Variants in C22orf15 observed in about 807,000 individuals in gnomAD.
C22orf15 encodes uncharacterized protein C22orf15.
C22orf15 carries 21 observed loss-of-function variants against 20.3 expected under a neutral mutation model. The observed-to-expected ratio is 1.04, with a 90% confidence interval of 0.74 to 1.49. C22orf15 has a LOEUF of 1.49. C22orf15 is among the 40% of genes most tolerant of loss of function. The probability of loss-of-function intolerance (pLI) is 0.00; values close to 1 mark genes in which losing one functional copy is unlikely to be tolerated. For missense variants in C22orf15, 170 were observed against 191.1 expected (o/e 0.89, Z 0.65); for synonymous variants, 78 against 75.4 (o/e 1.03, Z -0.18).
In C22orf15 at chr22:23,765,134, G is replaced by A. The variant is rs1926554504; in HGVS notation, c.435+232G>A. On this transcript the variant is annotated intron_variant, in intron 5 of 5. Coordinates refer to ENST00000402217, the MANE Select transcript of C22orf15 (RefSeq NM_182520.3). ...CGGGAGTGCCAGCGCACTAAGGGCC[G>A]GAATGTCCTCAGGCTTCACAGATGT... is the stretch of plus-strand genomic sequence containing the variant. 22 of 1,434,850 alleles carry A rather than the reference G, an allele frequency of 1.5e-5. No homozygotes were observed. The Admixed American group carries it at 1.7e-4, about 11-fold the overall frequency. The allele number at this position is 1,434,850 out of a possible 1,614,324, so 88.9% of individuals were successfully genotyped here.
Position 23,765,837 on chromosome 22 carries a change from G to A in C22orf15, c.*105G>A, listed in dbSNP as rs1926721714. ...TCGAGAGAGGCACACAACAGGCTGTGGTCTAAAATAAACTTTTAATTGCAC... is the reference window on the plus strand; with the variant it reads ...TCGAGAGAGGCACACAACAGGCTGTAGTCTAAAATAAACTTTTAATTGCAC... On this transcript the variant is annotated 3_prime_UTR_variant, in exon 6 of 6. Coordinates refer to ENST00000402217, the MANE Select transcript of C22orf15 (RefSeq NM_182520.3). 2 of 1,529,256 alleles carry A rather than the reference G, an allele frequency of 1.3e-6. No homozygotes were observed. Among genetic ancestry groups the A allele is most frequent in the African/African-American group, 1.4e-5 (1 of 72,690 alleles). The allele number at this position is 1,529,256 out of a possible 1,614,324, so 94.7% of individuals were successfully genotyped here. A position where few individuals can be genotyped will look rare whatever the true frequency, so the allele number is the denominator to read the frequency against.
At position 23,764,677 on chromosome 22, in the gene C22orf15, T is replaced by A; in HGVS notation, c.289T>A (p.Leu97Met). Residue 97 changes from leucine (L) to methionine (M), a missense_variant, in exon 4 of 6, where the codon TTG becomes ATG. Leu to Met is a conservative substitution (Grantham distance 15). Coordinates refer to ENST00000402217, the MANE Select transcript of C22orf15 (RefSeq NM_182520.3). The part of the protein sequence containing the change: ...DMASTRYESL[L>M]ENLDDHYPEL... Reference sequence around the variant, plus strand: ...GGCCTCCACCCGCTATGAGTCCCTATTGGAGAACCTGGATGACCATTACCC... The same window carrying A: ...GGCCTCCACCCGCTATGAGTCCCTAATGGAGAACCTGGATGACCATTACCC... 1.9e-6 allele frequency: 3 copies of A among 1,614,178 alleles called. No homozygotes were observed. Among genetic ancestry groups the A allele is most frequent in the South Asian group, 1.1e-5 (1 of 91,088 alleles).
chr22:23,763,047 T>G lies in C22orf15; in HGVS notation c.-260T>G. ...GCTTGGAAGCTTAGGGGAGCTGCTG[T>G]GGCCCAGGGCTCAGTGGGGAGGAAG... is the stretch of plus-strand genomic sequence containing the variant. On this transcript the variant is annotated 5_prime_UTR_variant, in exon 1 of 6. Coordinates refer to ENST00000402217, the MANE Select transcript of C22orf15 (RefSeq NM_182520.3). 1.9e-6 allele frequency: 1 copy of G among 516,254 alleles called. No homozygotes were observed. The highest frequency in any genetic ancestry group is 3.4e-6 in the Non-Finnish European group (1 of 297,484). 32.0% of individuals were successfully genotyped at this position (516,254 alleles called of 1,614,324 possible).
intron 5 of C22orf15, chr22:23,765,440 A>G (rs896254810): frequency 6.4e-7 from 1 of 1,551,022 alleles, no homozygotes; most frequent in Admixed American, 2.0e-5. Context: ...GAGAAGTTGC[A>G]TCAGCAAGAG....
chr22:23,765,289 G>T (rs531790232), intron 5 of C22orf15: 4 of 1,527,974 alleles, frequency 2.6e-6, no homozygotes, highest in Non-Finnish European at 2.6e-6. Context: ...ATTCTGGCAG[G>T]CTTGGGGACC....
chr22:23,764,163 G>A lies in C22orf15; in HGVS notation c.102G>A (p.Leu34=). ...LTAHLRQKAG[L]PPDATIALLA... ...CCCACCTGAGGCAGAAAGCAGGGTT[G>A]CCCCCAGATGGTGAGGAGACAGGGA... is the stretch of plus-strand genomic sequence containing the variant. Residue 34 remains leucine, a synonymous_variant, in exon 2 of 6, where the codon TTG becomes TTA. Coordinates refer to ENST00000402217, the MANE Select transcript of C22orf15 (RefSeq NM_182520.3). The A allele has an allele frequency of 6.4e-7, 1 of 1,551,714 alleles. No homozygotes were observed. The highest frequency in any genetic ancestry group is 8.7e-7 in the Non-Finnish European group (1 of 1,146,996).
chr22:23,765,637 T>A (rs967722863), intron 5 of C22orf15, 84 bp from the exon 6 acceptor site: 42 of 1,512,646 alleles, frequency 2.8e-5, no homozygotes, highest in Non-Finnish European at 3.6e-5. Flanking sequence ...CTAATGCCTC[T>A]CCACCTCACT....
intron 1 of C22orf15, among the ~76,000 whole-genome samples, chr22:23,763,567 A>G (rs1204158702): frequency 5.2e-5 from 8 of 152,396 alleles, no homozygotes; most frequent in African/African-American, 2.4e-5. Flanking sequence ...CCTCTCGGCC[A>G]GAGACCGCCG....
At chr22:23,765,574 T>C in intron 5 of C22orf15, 147 bp from the exon 6 acceptor site, 1 of 1,524,886 alleles carries the variant, frequency 6.6e-7, no homozygotes, top group Non-Finnish European at 8.8e-7. Flanking sequence ...GGGGAGACCA[T>C]GGGTTCATCC....
Position 23,764,640 on chromosome 22 carries a change from G to T in C22orf15, c.252G>T (p.Lys84Asn). 6.2e-7 allele frequency: 1 copy of T among 1,614,104 alleles called. No homozygotes were observed. The highest frequency in any genetic ancestry group is 8.5e-7 in the Non-Finnish European group (1 of 1,179,942). Residue 84 changes from lysine to asparagine, a missense_variant and splice_region_variant, in exon 4 of 6, where the codon AAG becomes AAT. Lys to Asn is a moderately conservative substitution (Grantham distance 94). Coordinates refer to ENST00000402217, the MANE Select transcript of C22orf15 (RefSeq NM_182520.3). ...RAIYVLVRII[K>N]GEDMASTRYE... is the part of the protein sequence containing the mutation. ...TCATCGTCTCTCCACATGTCACAGA[G>T]GGAGAGGACATGGCCTCCACCCGCT...
rs554034284 is a variant in C22orf15 at position 23,764,683 on chromosome 22, A to G, written c.295A>G (p.Asn99Asp). The change falls in exon 4 of 6, where the codon AAC becomes GAC. Residue 99 changes from asparagine (N) to aspartate (D), a missense_variant. Coordinates refer to ENST00000402217, the MANE Select transcript of C22orf15 (RefSeq NM_182520.3). The part of the protein sequence containing the change: ...ASTRYESLLE[N>D]LDDHYPELAE... ...CACCCGCTATGAGTCCCTATTGGAG[A>G]ACCTGGATGACCATTACCCAGAGCT... 12 of 1,614,164 alleles carry G rather than the reference A, an allele frequency of 7.4e-6. No homozygotes were observed. In the South Asian group the frequency reaches 1.3e-4, roughly 18 times the overall value.
chr22:23,764,514 C>G, intron 3 of C22orf15, 117 bp downstream of exon 3: 1 of 1,564,184 alleles, frequency 6.4e-7, no homozygotes, highest in Non-Finnish European at 8.8e-7. Flanking sequence ...GGGGACCTAG[C>G]CCCAATCCAT....
intron 1 of C22orf15, among the ~76,000 whole-genome samples, chr22:23,763,794 G>A (rs368028191): frequency 6.6e-6 from 1 of 152,356 alleles, no homozygotes; most frequent in East Asian, 1.9e-4. Context: ...CGTGGGGGCG[G>A]GTCCCGGGAG....
intron 5 of C22orf15, chr22:23,765,148 C>T: frequency 7.0e-7 from 1 of 1,435,662 alleles, no homozygotes; most frequent in South Asian, 1.5e-5. Context: ...TGTCCTCAGG[C>T]TTCACAGATG....
At position 23,764,097 on chromosome 22, in the gene C22orf15, G is replaced by A. The variant is rs538706829; in HGVS notation, c.36G>A (p.Ser12=). The A allele has an allele frequency of 2.4e-5, 37 of 1,550,742 alleles. No homozygotes were observed. Among genetic ancestry groups the A allele is most frequent in the South Asian group, 9.5e-5 (8 of 84,008 alleles). The change falls in exon 2 of 6, where the codon TCG becomes TCA. Residue 12 remains serine (S), a synonymous_variant. Coordinates refer to ENST00000402217, the MANE Select transcript of C22orf15 (RefSeq NM_182520.3). ...FIKVMFGAGC[S]VLVNTSCRLV... The stretch of plus-strand genomic sequence containing the variant: ...TGCCCCTCTCCACAGCTGGCTGCTC[G>A]GTGCTGGTGAACACCTCTTGCAGGC...
At position 23,764,077 on chromosome 22, in the gene C22orf15, C is replaced by G. The variant is rs1445017860; in HGVS notation, c.26-10C>G. ...AGATCTCACAGGCTCACCTTTGCCC[C>G]TCTCCACAGCTGGCTGCTCGGTGCT... On this transcript the variant is annotated splice_polypyrimidine_tract_variant and intron_variant, in intron 1 of 5. Transcript: ENST00000402217. 5 of 1,550,200 alleles carry G rather than the reference C, an allele frequency of 3.2e-6. No homozygotes were observed. The highest frequency in any genetic ancestry group is 4.4e-6 in the Non-Finnish European group (5 of 1,146,902).
At position 23,764,792 on chromosome 22, in the gene C22orf15, G is replaced by A. The variant is rs771550546; in HGVS notation, c.326-1G>A. On this transcript the variant is annotated splice_acceptor_variant, in intron 4 of 5. Coordinates refer to ENST00000402217, the MANE Select transcript of C22orf15 (RefSeq NM_182520.3). LOFTEE classifies it high-confidence loss of function. The stretch of plus-strand genomic sequence containing the variant: ...CCAACAGGACTTCCTGGGCCTTCCA[G>A]AGGAACTGCGCAGGCTGTCAGGCCT... 4.3e-6 allele frequency: 7 copies of A among 1,613,990 alleles called. No homozygotes were observed. In the African/African-American group the frequency reaches 5.3e-5, roughly 12 times the overall value.
chr22:23,763,765 G>T (rs1926114748), intron 1 of C22orf15, among the ~76,000 whole-genome samples: 1 of 152,220 alleles, frequency 6.6e-6, no homozygotes, highest in African/African-American at 2.4e-5. Context: ...GGTGCGGAGG[G>T]CGGGGACTGG....
chr22:23,765,617 G>A (rs896203037), intron 5 of C22orf15, 104 bp from the exon 6 acceptor site: 1 of 1,512,510 alleles, frequency 6.6e-7, no homozygotes, highest in African/African-American at 1.4e-5. Flanking sequence ...GATGCCCTTG[G>A]GATCACCGAC....
Sources: gnomAD v4.1 joint callset for allele counts (sites outside exome capture counted in the v4.1 genomes callset) on GRCh38, gnomAD v4.1.1 for gene constraint, MANE v1.5 for transcripts, NCBI Gene and HGNC (gene_info 2026-07-23, HGNC 2026-07-21) for gene names.